The following CMC2 variants were observed in gnomAD, a reference collection of about 807,000 sequenced individuals.
CMC2 encodes COX assembly mitochondrial protein 2 homolog.
In CMC2, 5 loss-of-function variants were observed where a neutral mutation model predicts 7.5. The ratio of observed to expected loss-of-function variants is 0.66; its 90% CI spans 0.35 to 1.40. The LOEUF (loss-of-function observed/expected upper bound fraction) is 1.40. Ranked by LOEUF, CMC2 falls within the 40% of genes most tolerant of loss-of-function variation. The pLI is 0.04. For synonymous variants in CMC2, 37 were observed against 31.4 expected (o/e 1.18, Z -0.60); for missense variants, 115 against 92.3 (o/e 1.25, Z -1.01).
chr16:80,973,638 T>C lies in CMC2; in HGVS notation c.*2455A>G, dbSNP rs1158520921. 1 of 152,250 alleles carries C rather than the reference T, an allele frequency of 6.6e-6. No individual in the cohort carries two copies. Among genetic ancestry groups the C allele is most frequent in the African/African-American group, 2.4e-5 (1 of 41,458 alleles). The allele number at this position is 152,250 out of a possible 1,614,324, so 9.4% of individuals were successfully genotyped here. ...AACATGCAAGTTCCCTGAGGTGATG[T>C]CCAAGGCCTGTGTGTTCTGGCCCTG... On this transcript the variant is annotated 3_prime_UTR_variant, in exon 4 of 4. Coordinates refer to ENST00000219400, the MANE Select transcript of CMC2 (RefSeq NM_020188.5).
chr16:80,992,546 A>G (rs1968083834), intron 2 of CMC2, among the ~76,000 whole-genome samples: 1 of 152,162 alleles, frequency 6.6e-6, no homozygotes, highest in Non-Finnish European at 1.5e-5. Context: ...CCCCCTGCAG[A>G]TAAGTAATGG....
chr16:80,988,489 T>C (rs1967713816), intron 2 of CMC2: 3 of 689,472 alleles, frequency 4.4e-6, no homozygotes, highest in Non-Finnish European at 7.9e-6. Flanking sequence ...GTACAAAGAA[T>C]TTCCAAATAG....
intron 1 of CMC2, among the ~76,000 whole-genome samples, chr16:81,005,541 C>T (rs908320682): frequency 6.6e-6 from 1 of 151,962 alleles, no homozygotes; most frequent in Non-Finnish European, 1.5e-5. Context: ...CAGCAGAGGT[C>T]GCAGACACGG....
intron 3 of CMC2, among the ~76,000 whole-genome samples, chr16:80,979,753 TG>T (rs1347161155): frequency 6.6e-6 from 1 of 152,028 alleles, no homozygotes; most frequent in Non-Finnish European, 1.5e-5. Flanking sequence ...CCCGAGTAGC[TG>T]GAACTACAGG....
intron 3 of CMC2, among the ~76,000 whole-genome samples, chr16:80,976,527 G>C (rs1912374976): frequency 1.3e-5 from 2 of 152,302 alleles, no homozygotes; most frequent in Middle Eastern, 3.4e-3. Flanking sequence ...TTCTCCAGGG[G>C]CTTGCAGTCT....
chr16:80,984,671 A>G (rs894153050), intron 2 of CMC2, among the ~76,000 whole-genome samples: 4 of 152,232 alleles, frequency 2.6e-5, no homozygotes. Context: ...ACAAATAAAC[A>G]TGACAATGCA....
Position 80,973,609 on chromosome 16 carries a change from A to T in CMC2, c.*2484T>A, listed in dbSNP as rs1264174398. 1 of 152,208 alleles carries T rather than the reference A, an allele frequency of 6.6e-6. No individual in the cohort carries two copies. The highest frequency in any genetic ancestry group is 2.4e-5 in the African/African-American group (1 of 41,460). 9.4% of individuals were successfully genotyped at this position (152,208 alleles called of 1,614,324 possible). ...TTCTAATGGTTTTCCATTATGCTCCAAATAACATGCAAGTTCCCTGAGGTG... is the reference window on the plus strand; with the variant it reads ...TTCTAATGGTTTTCCATTATGCTCCTAATAACATGCAAGTTCCCTGAGGTG... On this transcript the variant is annotated 3_prime_UTR_variant, in exon 4 of 4. Transcript: ENST00000219400.
intron 3 of CMC2, among the ~76,000 whole-genome samples, chr16:80,976,830 C>G (rs1332225125): frequency 6.6e-6 from 1 of 152,200 alleles, no homozygotes; most frequent in African/African-American, 2.4e-5. Context: ...CACTTACTAC[C>G]TTTTGCGCTG....
intron 2 of CMC2, among the ~76,000 whole-genome samples, chr16:80,985,427 T>C (rs1177396059): frequency 6.6e-6 from 1 of 152,246 alleles, no homozygotes; most frequent in Non-Finnish European, 1.5e-5. Flanking sequence ...GCAATTCTTT[T>C]CGCTTTTTTC....
intron 3 of CMC2, among the ~76,000 whole-genome samples, chr16:80,979,006 G>C (rs191927194): frequency 6.6e-6 from 1 of 152,058 alleles, no homozygotes; most frequent in African/African-American, 2.4e-5. Context: ...GCGTGAACCC[G>C]GGAGGAGGAG....
intron 3 of CMC2, among the ~76,000 whole-genome samples, chr16:80,979,827 G>T (rs1342921399): frequency 6.6e-6 from 1 of 151,992 alleles, no homozygotes; most frequent in African/African-American, 2.4e-5. Flanking sequence ...TCACCATGTT[G>T]GCTAGGCTGG....
At chr16:80,985,195 C>T (rs1967427573) in intron 2 of CMC2, among the ~76,000 whole-genome samples, 1 of 152,084 alleles carries the variant, frequency 6.6e-6, no homozygotes, top group African/African-American at 2.4e-5. Context: ...CCAGAGACAC[C>T]GAGGGGTTCC....
At chr16:80,983,290 C>T (rs979760899) in intron 2 of CMC2, 4 of 152,236 alleles carry the variant, frequency 2.6e-5, no homozygotes, top group East Asian at 3.9e-4. Context: ...GTCAGTGCCC[C>T]GAACTTCCAA....
rs537664453 is a variant in CMC2, at chr16:80,968,083, G to A, written c.*8010C>T. The A allele has an allele frequency of 6.6e-5, 10 of 152,274 alleles. No homozygotes were observed. The highest frequency in any genetic ancestry group is 1.2e-4 in the Non-Finnish European group (8 of 68,022). 9.4% of individuals were successfully genotyped at this position (152,274 alleles called of 1,614,324 possible). A position where few individuals can be genotyped will look rare whatever the true frequency, so the allele number is the denominator to read the frequency against. On this transcript the variant is annotated 3_prime_UTR_variant, in exon 4 of 4. Coordinates refer to ENST00000219400, the MANE Select transcript of CMC2 (RefSeq NM_020188.5). ...GATGAAGGTCATTAACCCTAAAGAA[G>A]TAGGCATTTTATGGAAGGCAGTTAC...
chr16:80,978,227 A>G, intron 3 of CMC2: 1 of 1,033,370 alleles, frequency 9.7e-7, no homozygotes, highest in South Asian at 3.2e-5. Flanking sequence ...TCTGAGAAAA[A>G]GCTTTCATAT....
chr16:80,989,607 G>C (rs891144821), intron 2 of CMC2, among the ~76,000 whole-genome samples: 2 of 152,096 alleles, frequency 1.3e-5, no homozygotes, highest in African/African-American at 4.8e-5. Context: ...CGGAAGAGCG[G>C]TATTTAAAAA....
chr16:80,992,735 G>A (rs1968106570), intron 2 of CMC2, among the ~76,000 whole-genome samples: 2 of 130,256 alleles, frequency 1.5e-5, no homozygotes, highest in Non-Finnish European at 3.1e-5. Flanking sequence ...GTAAAGACAG[G>A]GTCTCACTTT....
chr16:80,976,690 T>C (rs1912404936), intron 3 of CMC2, among the ~76,000 whole-genome samples: 1 of 152,234 alleles, frequency 6.6e-6, no homozygotes, highest in African/African-American at 2.4e-5. Flanking sequence ...AGAGGTAGCC[T>C]GTCTAACTGT....
At chr16:80,978,405 C>A (rs984774153) in intron 3 of CMC2, 51 of 1,259,758 alleles carry the variant, frequency 4.0e-5, no homozygotes, top group Non-Finnish European at 5.3e-5. Flanking sequence ...CAAAGGAAGT[C>A]CAGATGGTCC....
Sources: gnomAD v4.1 joint callset for allele counts (sites outside exome capture counted in the v4.1 genomes callset) on GRCh38, gnomAD v4.1.1 for gene constraint, MANE v1.5 for transcripts, NCBI Gene and HGNC (gene_info 2026-07-23, HGNC 2026-07-21) for gene names.